The following SIGLEC10 variants were observed in gnomAD, a reference collection of about 807,000 sequenced individuals.
SIGLEC10 encodes sialic acid-binding Ig-like lectin 10.
A neutral mutation model predicts 68.3 loss-of-function variants in SIGLEC10; 45 were observed. That is an observed-to-expected ratio of 0.66 (90% CI 0.52 to 0.84). The LOEUF (loss-of-function observed/expected upper bound fraction) is 0.84. Among genes scored for constraint, SIGLEC10 ranks in the 40% least tolerant of loss-of-function variants. The pLI is 0.00. For synonymous variants in SIGLEC10, 379 were observed against 370.8 expected, an observed-to-expected ratio of 1.02 and a Z score of -0.26; for missense variants, 789 against 883.1, an observed-to-expected ratio of 0.89 and a Z score of 1.35.
Position 51,416,871 on chromosome 19 carries a change from G to A in SIGLEC10, c.501C>T (p.Asn167=), listed in dbSNP as rs1329237571. 2 of 1,614,058 alleles carry A rather than the reference G, an allele frequency of 1.2e-6. No individual in the cohort carries two copies. The highest frequency in any genetic ancestry group is 2.7e-5 in the African/African-American group (2 of 74,910). The stretch of plus-strand genomic sequence containing the variant: ...GGGGTGGACATTCCTCAAAGGCCCA[G>A]TTAAACACACAGATGACCGTCACCG... ...GQPVTVICVF[N]WAFEECPPPS... is the part of the protein sequence containing the mutation. The change falls in exon 3 of 11, where the codon AAC becomes AAT. Residue 167 remains asparagine (N), a synonymous_variant. Transcript: ENST00000339313.
In SIGLEC10 at chr19:51,417,195, A is replaced by G; in HGVS notation, c.308T>C (p.Leu103Ser). Residue 103 changes from leucine to serine, a missense_variant, in exon 2 of 11, where the codon TTG (leucine) becomes TCG (serine). Leu to Ser is a moderately radical substitution (Grantham distance 145, BLOSUM62 -2). Transcript: ENST00000339313. ...TGDPAKGNCS[L>S]VIRDAQMQDE... ...CTGCATCTGCGCGTCTCTGATCACCAAGGAGCAGTTCCCCTTGGCGGGATC... is the reference window on the plus strand; with the variant it reads ...CTGCATCTGCGCGTCTCTGATCACCGAGGAGCAGTTCCCCTTGGCGGGATC... 1.2e-6 allele frequency: 2 copies of G among 1,614,188 alleles called. No individual in the cohort carries two copies. Among genetic ancestry groups the G allele is most frequent in the South Asian group, 1.1e-5 (1 of 91,088 alleles).
chr19:51,415,796 A>G, intron 5 of SIGLEC10, 102 bp downstream of exon 5: 1 of 1,582,944 alleles, frequency 6.3e-7, no homozygotes. Flanking sequence ...TCGGTCTCCG[A>G]GGCCTGGGGC....
Position 51,417,000 on chromosome 19 carries a change from G to A in SIGLEC10, c.422-50C>T, listed in dbSNP as rs201154040. The A allele has an allele frequency of 5.6e-4, 893 of 1,593,042 alleles. 12 individuals are homozygous for A. In the East Asian group the frequency reaches 0.015, roughly 26 times the overall value. On this transcript the variant is annotated intron_variant, in intron 2 of 10. Coordinates refer to ENST00000339313, the MANE Select transcript of SIGLEC10 (RefSeq NM_033130.5). ...ATTCTTGTGCTGCAGGGGTCCCTGA[G>A]AGCCCTCTCTGCTCAGCCCATAGGC...
Position 51,417,631 on chromosome 19 carries a change from C to A in SIGLEC10, c.-50G>T, listed in dbSNP as rs779261417. The A allele has an allele frequency of 6.2e-7, 1 of 1,611,572 alleles. No homozygotes were observed. The highest frequency in any genetic ancestry group is 8.5e-7 in the Non-Finnish European group (1 of 1,178,812). ...GCCTGAGACAGGCCTGTTCTCTGGT[C>A]GTGCTGTGAGTGGCTCAGGGCTCTT... is the stretch of plus-strand genomic sequence containing the variant. On this transcript the variant is annotated 5_prime_UTR_variant, in exon 1 of 11. Transcript: ENST00000339313.
chr19:51,417,211 T>A lies in SIGLEC10; in HGVS notation c.292A>T (p.Lys98Ter). ...GRFQLTGDPA[K>*]GNCSLVIRDA... ...CTGATCACCAAGGAGCAGTTCCCCT[T>A]GGCGGGATCCCCAGTGAGCTGGAAT... The change falls in exon 2 of 11, where the codon AAG (lysine) becomes TAG (stop). Residue 98 changes from lysine to a stop codon, truncating the protein, a stop_gained. Transcript: ENST00000339313. LOFTEE classifies it high-confidence loss of function. 1.2e-6 allele frequency: 2 copies of A among 1,614,232 alleles called. No homozygotes were observed. Among genetic ancestry groups the A allele is most frequent in the Non-Finnish European group, 1.7e-6 (2 of 1,180,028 alleles).
Position 51,415,246 on chromosome 19 carries a change from T to G in SIGLEC10, c.1265A>C (p.Glu422Ala), listed in dbSNP as rs780810937. Residue 422 changes from glutamate to alanine, a missense_variant, in exon 7 of 11, where the codon GAG becomes GCG. Glu to Ala is a moderately radical substitution (Grantham distance 107, BLOSUM62 -1). Transcript: ENST00000339313. The part of the protein sequence containing the change: ...LPRVQVEHEG[E>A]FTCHARHPLG... ...TGGGTGCCGAGCGTGGCAGGTGAACTCTCCTTCGTGCTCCACTTGAACCCG... is the reference window on the plus strand; with the variant it reads ...TGGGTGCCGAGCGTGGCAGGTGAACGCTCCTTCGTGCTCCACTTGAACCCG... The G allele has an allele frequency of 6.2e-7, 1 of 1,613,856 alleles. No individual in the cohort carries two copies. The highest frequency in any genetic ancestry group is 8.5e-7 in the Non-Finnish European group (1 of 1,179,910).
intron 10 of SIGLEC10, among the ~76,000 whole-genome samples, chr19:51,412,091 G>A (rs1036729314): frequency 2.7e-4 from 41 of 152,116 alleles, no homozygotes; most frequent in South Asian, 8.3e-4. Flanking sequence ...GCAGTGAGCC[G>A]AGACCTTGCC....
chr19:51,415,442 G>C lies in SIGLEC10; in HGVS notation c.1073-4C>G. 2 of 1,606,988 alleles carry C rather than the reference G, an allele frequency of 1.2e-6. No homozygotes were observed. Among genetic ancestry groups the C allele is most frequent in the Non-Finnish European group, 1.7e-6 (2 of 1,175,488 alleles). Reference sequence around the variant, plus strand: ...CCGTTCCCAAGGTTTTCCAGGACTAGGGAAGGAAGAGGCAGAATCGATGAG... The same window carrying C: ...CCGTTCCCAAGGTTTTCCAGGACTACGGAAGGAAGAGGCAGAATCGATGAG... On this transcript the variant is annotated splice_polypyrimidine_tract_variant and splice_region_variant and intron_variant, in intron 6 of 10. Coordinates refer to ENST00000339313, the MANE Select transcript of SIGLEC10 (RefSeq NM_033130.5).
In SIGLEC10 at chr19:51,415,400, G is replaced by C. The variant is rs1427537908; in HGVS notation, c.1111C>G (p.Leu371Val). Residue 371 changes from leucine to valine, a missense_variant, in exon 7 of 11, where the codon CTG becomes GTG. Coordinates refer to ENST00000339313, the MANE Select transcript of SIGLEC10 (RefSeq NM_033130.5). ...ACCAGGCACAGGCTTTGGCCCTCCA[G>C]TACTGGGAGAGACGTGCCGTTCCCA... ...NLGNGTSLPV[L>V]EGQSLCLVCV... 6.2e-7 allele frequency: 1 copy of C among 1,608,080 alleles called. No individual in the cohort carries two copies. Among genetic ancestry groups the C allele is most frequent in the East Asian group, 2.2e-5 (1 of 44,798 alleles).
chr19:51,410,974 AAGAGAG>A lies in SIGLEC10; in HGVS notation c.*119_*124del. 2 of 1,030,064 alleles carry A rather than the reference AAGAGAG, an allele frequency of 1.9e-6. No homozygotes were observed. Among genetic ancestry groups the A allele is most frequent in the South Asian group, 1.7e-5 (1 of 58,930 alleles). The allele number at this position is 1,030,064 out of a possible 1,614,324, so 63.8% of individuals were successfully genotyped here. On this transcript the variant is annotated 3_prime_UTR_variant, in exon 11 of 11. Coordinates refer to ENST00000339313, the MANE Select transcript of SIGLEC10 (RefSeq NM_033130.5). ...CAGATGTTTTTTTAAAAGAGAGAGA[AAGAGAG>A]AGAGAGAGAGAAAGAGAGAGAGAGA...
In SIGLEC10 at chr19:51,410,983, AGAGAGAGAAAG is replaced by A; in HGVS notation, c.*105_*115del. The A allele has an allele frequency of 8.3e-7, 1 of 1,203,632 alleles. No homozygotes were observed. Among genetic ancestry groups the A allele is most frequent in the Non-Finnish European group, 1.2e-6 (1 of 859,034 alleles). The allele number at this position is 1,203,632 out of a possible 1,614,324, so 74.6% of individuals were successfully genotyped here. A position where few individuals can be genotyped will look rare whatever the true frequency, so the allele number is the denominator to read the frequency against. On this transcript the variant is annotated 3_prime_UTR_variant, in exon 11 of 11. Transcript: ENST00000339313. ...TTTTAAAAGAGAGAGAAAGAGAGAG[AGAGAGAGAAAG>A]AGAGAGAGAGAGGGAGAGAAGGAAA...
chr19:51,415,439 C>G lies in SIGLEC10; in HGVS notation c.1073-1G>C, dbSNP rs1223940483. The G allele has an allele frequency of 2.5e-6, 4 of 1,606,298 alleles. No homozygotes were observed. The highest frequency in any genetic ancestry group is 3.4e-6 in the Non-Finnish European group (4 of 1,175,180). On this transcript the variant is annotated splice_acceptor_variant, in intron 6 of 10. Coordinates refer to ENST00000339313, the MANE Select transcript of SIGLEC10 (RefSeq NM_033130.5). LOFTEE classifies it high-confidence loss of function. ...GTGCCGTTCCCAAGGTTTTCCAGGA[C>G]TAGGGAAGGAAGAGGCAGAATCGAT...
chr19:51,411,249 T>C lies in SIGLEC10; in HGVS notation c.1944A>G (p.Glu648=). ...KKQYQLPSFP[E]PKSSTQAPES... Reference sequence around the variant, plus strand: ...CTGGGGCTTGAGTGGATGATTTGGGTTCTGGGAAACTGGGCAACTGATACT... The same window carrying C: ...CTGGGGCTTGAGTGGATGATTTGGGCTCTGGGAAACTGGGCAACTGATACT... Residue 648 remains glutamate, a synonymous_variant, in exon 11 of 11, where the codon GAA becomes GAG. Coordinates refer to ENST00000339313, the MANE Select transcript of SIGLEC10 (RefSeq NM_033130.5). The C allele has an allele frequency of 6.2e-7, 1 of 1,614,008 alleles. No individual in the cohort carries two copies. The highest frequency in any genetic ancestry group is 8.5e-7 in the Non-Finnish European group (1 of 1,179,984).
rs1420293578 is a variant in SIGLEC10 at position 51,414,141 on chromosome 19, T to G, written c.1709+281A>C. On this transcript the variant is annotated intron_variant, in intron 9 of 10. Transcript: ENST00000339313. The surrounding 1 kb of genome is among the most constrained non-coding windows in gnomAD (Gnocchi z 4.1). ...AGGAGGTAACAATTGGTCAGCTGTT[T>G]AATTGATCACAGGTTCATATTATTA... 6.6e-6 allele frequency among the ~76,000 whole-genome samples: 1 copy of G among 152,206 alleles called. No homozygotes were observed. The highest frequency in any genetic ancestry group is 1.5e-5 in the Non-Finnish European group (1 of 68,036).
chr19:51,415,281 C>T lies in SIGLEC10; in HGVS notation c.1230G>A (p.Leu410=), dbSNP rs1988487614. The change falls in exon 7 of 11, where the codon CTG becomes CTA. Residue 410 remains leucine, a synonymous_variant. Transcript: ENST00000339313. ...GCTCCACTTGAACCCGAGGCAGCTCCAGGACCCCGGGGTCTGAGGGCTGGG... is the reference window on the plus strand; with the variant it reads ...GCTCCACTTGAACCCGAGGCAGCTCTAGGACCCCGGGGTCTGAGGGCTGGG... ...SPSQPSDPGV[L]ELPRVQVEHE... is the part of the protein sequence containing the mutation. 3.1e-6 allele frequency: 5 copies of T among 1,613,992 alleles called. No individual in the cohort carries two copies. The highest frequency in any genetic ancestry group is 4.2e-6 in the Non-Finnish European group (5 of 1,180,004).
In SIGLEC10 at chr19:51,416,002, C is replaced by A; in HGVS notation, c.920G>T (p.Gly307Val). ...AGCCTTCACCCCGGGCAGCTCCAGC[C>A]CCAGGGGTCTAGGGCCCCAGGGATG... The part of the protein sequence containing the change: ...SSHPWGPRPL[G>V]LELPGVKAGD... The change falls in exon 5 of 11, where the codon GGG (glycine) becomes GTG (valine). Residue 307 changes from glycine (G) to valine (V), a missense_variant. Coordinates refer to ENST00000339313, the MANE Select transcript of SIGLEC10 (RefSeq NM_033130.5). The A allele has an allele frequency of 2.5e-6, 4 of 1,613,574 alleles. No homozygotes were observed. The South Asian group carries it at 4.4e-5, about 18-fold the overall frequency.
rs548157932 is a variant in SIGLEC10, at chr19:51,414,774, C to T, written c.1615+50G>A. The T allele has an allele frequency of 2.6e-5, 42 of 1,607,246 alleles. No individual in the cohort carries two copies. The East Asian group carries it at 9.1e-4, about 35-fold the overall frequency. ...CCAACCACAGGACCCTACTCTTTGC[C>T]CCAGTCAGCTTCTCCTCCAAGAACC... On this transcript the variant is annotated intron_variant, in intron 8 of 10. Transcript: ENST00000339313. The surrounding 1 kb of genome is among the most constrained non-coding windows in gnomAD (Gnocchi z 4.1).
At chr19:51,411,490 A>G (rs1988008165) in intron 10 of SIGLEC10, 119 bp from the exon 11 acceptor site, 1 of 1,286,600 alleles carries the variant, frequency 7.8e-7, no homozygotes, top group Non-Finnish European at 1.1e-6. Context: ...TGCCTTGCTG[A>G]GCTTGCATTC....
rs1988473547 is a variant in SIGLEC10 at position 51,415,184 on chromosome 19, G to T, written c.1327C>A (p.His443Asn). 6.2e-7 allele frequency: 1 copy of T among 1,603,938 alleles called. No homozygotes were observed. The highest frequency in any genetic ancestry group is 8.5e-7 in the Non-Finnish European group (1 of 1,174,800). ...SQHVSLSLSV[H>N]YSPKLLGPSC... ...GTGTCCCCTTTCCCCCACTCACAGT[G>T]CACGGAGAGGCTGAGAGAGACGTGC... The change falls in exon 7 of 11, where the codon CAC becomes AAC. Residue 443 changes from histidine (H) to asparagine (N), a missense_variant. His to Asn is a moderately conservative substitution (Grantham distance 68). Coordinates refer to ENST00000339313, the MANE Select transcript of SIGLEC10 (RefSeq NM_033130.5).
Sources: gnomAD v4.1 joint callset for allele counts (sites outside exome capture counted in the v4.1 genomes callset) on GRCh38, gnomAD v4.1.1 for gene constraint, Gnocchi (gnomAD v3.1) non-coding constraint, MANE v1.5 for transcripts, NCBI Gene and HGNC (gene_info 2026-07-23, HGNC 2026-07-21) for gene names.